The following KRT2 variants were observed in gnomAD, a reference collection of about 807,000 sequenced individuals.
KRT2 encodes keratin 2.
KRT2 carries 37 observed loss-of-function variants against 48.5 expected under a neutral mutation model. That is an observed-to-expected ratio of 0.76 (90% CI 0.59 to 1.00). KRT2 has a LOEUF of 1.00. Among genes scored for constraint, KRT2 ranks in the 50% least tolerant of loss-of-function variants. KRT2 has a pLI of 0.00. For missense variants in KRT2, 880 were observed against 815.2 expected (o/e 1.08, Z -0.97); for synonymous variants, 324 against 312.2 (o/e 1.04, Z -0.40).
rs752147255 is a variant in KRT2, at chr12:52,647,753, C to T, written c.1225G>A (p.Glu409Lys). The T allele has an allele frequency of 3.7e-6, 6 of 1,613,792 alleles. No homozygotes were observed. The African/African-American group carries it at 8.0e-5, about 22-fold the overall frequency. Residue 409 changes from glutamate (E) to lysine (K), a missense_variant, in exon 6 of 9, where the codon GAG becomes AAG. Glu to Lys is a moderately conservative substitution (Grantham distance 56). Transcript: ENST00000309680. Reference sequence around the variant, plus strand: ...ACCTGCTTCTTCACATGTGCGATCTCCCCCTGCAGCCTCTGGATCACGCGG... The same window carrying T: ...ACCTGCTTCTTCACATGTGCGATCTTCCCCTGCAGCCTCTGGATCACGCGG... ...LNRVIQRLQGEIAHVKKQCKN... is the reference protein window; with the variant it reads ...LNRVIQRLQGKIAHVKKQCKN...
intron 7 of KRT2, 28 bp downstream of exon 7, chr12:52,646,712 T>G: frequency 6.2e-7 from 1 of 1,609,922 alleles, no homozygotes; most frequent in Non-Finnish European, 8.5e-7. Flanking sequence ...AGGGCCAGGG[T>G]CCCCTTCTCC....
Position 52,644,864 on chromosome 12 carries a change from A to G in KRT2, c.*155T>C. Reference sequence around the variant, plus strand: ...ACTGGTTTGGAGAGAAGATCTTTCAAAAACTGTATGTGGACATTCTTTTCC... The same window carrying G: ...ACTGGTTTGGAGAGAAGATCTTTCAGAAACTGTATGTGGACATTCTTTTCC... On this transcript the variant is annotated 3_prime_UTR_variant, in exon 9 of 9. Coordinates refer to ENST00000309680, the MANE Select transcript of KRT2 (RefSeq NM_000423.3). The G allele has an allele frequency of 1.3e-6, 1 of 774,562 alleles. No individual in the cohort carries two copies. Among genetic ancestry groups the G allele is most frequent in the Non-Finnish European group, 2.1e-6 (1 of 478,024 alleles). The allele number at this position is 774,562 out of a possible 1,614,324, so 48.0% of individuals were successfully genotyped here.
intron 6 of KRT2, among the ~76,000 whole-genome samples, 188 bp downstream of exon 6, chr12:52,647,542 T>C (rs1941185625): frequency 6.6e-6 from 1 of 152,248 alleles, no homozygotes; most frequent in African/African-American, 2.4e-5. Flanking sequence ...GAATGTCTAT[T>C]AGAGCACTCT....
chr12:52,647,017 G>A, intron 6 of KRT2, 57 bp from the exon 7 acceptor site: 2 of 1,524,200 alleles, frequency 1.3e-6, no homozygotes, highest in East Asian at 4.5e-5. Context: ...AGAGAGCAGA[G>A]GTGTTCGAAG....
At chr12:52,645,911 G>A (rs1941156695) in intron 7 of KRT2, among the ~76,000 whole-genome samples, 1 of 152,204 alleles carries the variant, frequency 6.6e-6, no homozygotes, top group South Asian at 2.1e-4. Context: ...CAGAATCCAT[G>A]CCACATCAGA....
intron 4 of KRT2, 65 bp from the exon 5 acceptor site, chr12:52,648,402 T>G: frequency 2.2e-6 from 3 of 1,352,014 alleles, no homozygotes; most frequent in Non-Finnish European, 3.2e-6. Context: ...AGGAGGCCTC[T>G]GTCTCCCAGC....
chr12:52,648,132 T>C (rs762504181), intron 5 of KRT2, 41 bp downstream of exon 5: 1 of 1,607,156 alleles, frequency 6.2e-7, no homozygotes. Context: ...ACCCAGCTCA[T>C]GGCAGGGAGC....
chr12:52,644,958 T>G lies in KRT2; in HGVS notation c.*61A>C. ...GCCAGTTAGAGGTACAGAGACAGGC[T>G]TCTACATTCTGGAGTGGGAGAGTCT... On this transcript the variant is annotated 3_prime_UTR_variant, in exon 9 of 9. Transcript: ENST00000309680. The G allele has an allele frequency of 1.3e-6, 2 of 1,585,080 alleles. No individual in the cohort carries two copies. The highest frequency in any genetic ancestry group is 1.7e-6 in the Non-Finnish European group (2 of 1,154,114).
rs76412202 is a variant in KRT2 at position 52,651,803 on chromosome 12, C to G, written c.340G>C (p.Gly114Arg). 7.1e-7 allele frequency: 1 copy of G among 1,401,164 alleles called. No homozygotes were observed. Among genetic ancestry groups the G allele is most frequent in the Admixed American group, 2.0e-5 (1 of 51,268 alleles). The allele number at this position is 1,401,164 out of a possible 1,614,324, so 86.8% of individuals were successfully genotyped here. A position where few individuals can be genotyped will look rare whatever the true frequency, so the allele number is the denominator to read the frequency against. The change falls in exon 1 of 9, where the codon GGT (glycine) becomes CGT (arginine). Residue 114 changes from glycine (G) to arginine (R), a missense_variant. Physicochemically the swap from Gly to Arg is moderately radical, Grantham distance 125. Coordinates refer to ENST00000309680, the MANE Select transcript of KRT2 (RefSeq NM_000423.3). The part of the protein sequence containing the change: ...GGSGFSGGGF[G>R]GGGFGGGRFG... ...CGGCCTCCACCAAAGCCGCCTCCAC[C>G]GAAACCACCACCACTGAAGCCGCTG...
chr12:52,645,128 C>T lies in KRT2; in HGVS notation c.1811G>A (p.Gly604Glu), dbSNP rs1324329395. 1.9e-6 allele frequency: 3 copies of T among 1,613,966 alleles called. No individual in the cohort carries two copies. Among genetic ancestry groups the T allele is most frequent in the African/African-American group, 2.7e-5 (2 of 75,036 alleles). Residue 604 changes from glycine to glutamate, a missense_variant, in exon 9 of 9, where the codon GGA (glycine) becomes GAA (glutamate). By Grantham distance (98) the Gly-to-Glu change is moderately conservative (BLOSUM62 -2). Transcript: ENST00000309680. ...ATATCCTCCTCCAGAGCTGGAGCCT[C>T]CTCTAGAGCCACCTCCAGAGCTGTG... ...GKHSSGGGSR[G>E]GSSSGGGYGS...
chr12:52,650,230 TC>T, intron 2 of KRT2, 108 bp downstream of exon 2: 1 of 948,512 alleles, frequency 1.1e-6, no homozygotes. Flanking sequence ...CATATGCCTC[TC>T]CCCATTACCA....
At chr12:52,647,877 A>G in intron 5 of KRT2, 22 bp from the exon 6 acceptor site, 1 of 1,614,058 alleles carries the variant, frequency 6.2e-7, no homozygotes, top group East Asian at 2.2e-5. Flanking sequence ...AGAAGAGGAC[A>G]GTTTGCAAGG....
chr12:52,648,747 G>T (rs544667440), intron 4 of KRT2, among the ~76,000 whole-genome samples: 17 of 152,244 alleles, frequency 1.1e-4, no homozygotes, highest in Admixed American at 1.1e-3. Context: ...TCTTCCCCAG[G>T]GGAAATGGAC....
intron 2 of KRT2, among the ~76,000 whole-genome samples, 182 bp from the exon 3 acceptor site, chr12:52,650,156 A>G (rs143518357): frequency 1.3e-5 from 2 of 152,350 alleles, no homozygotes; most frequent in African/African-American, 4.8e-5. Flanking sequence ...ACTCTCAAAC[A>G]TACAAAAGAC....
intron 4 of KRT2, among the ~76,000 whole-genome samples, chr12:52,648,613 AC>A (rs1941204184): frequency 6.6e-6 from 1 of 152,092 alleles, no homozygotes; most frequent in African/African-American, 2.4e-5. Flanking sequence ...CATGGCAAAT[AC>A]CTTAAATGGA....
Position 52,648,253 on chromosome 12 carries a change from T to C in KRT2, c.1042A>G (p.Ile348Val). Residue 348 changes from isoleucine (I) to valine (V), a missense_variant, in exon 5 of 9, where the codon ATC becomes GTC. Ile to Val is a conservative substitution (Grantham distance 29). Transcript: ENST00000309680. ...DNSRNLDLDS[I>V]IAEVKAQYEE... ...TACTGGGCCTTGACCTCGGCGATGA[T>C]GCTATCCAAGTCCAGGTTGCGGCTG... The C allele has an allele frequency of 6.2e-7, 1 of 1,614,174 alleles. No individual in the cohort carries two copies. The highest frequency in any genetic ancestry group is 8.5e-7 in the Non-Finnish European group (1 of 1,180,016).
intron 1 of KRT2, 108 bp downstream of exon 1, chr12:52,651,450 G>T (rs1941246010): frequency 1.1e-6 from 1 of 902,214 alleles, no homozygotes; most frequent in Admixed American, 1.8e-5. Flanking sequence ...GGCTACTGCG[G>T]TACACCACTG....
chr12:52,645,617 T>G, intron 7 of KRT2, 48 bp from the exon 8 acceptor site: 1 of 1,593,634 alleles, frequency 6.3e-7, no homozygotes, highest in Non-Finnish European at 8.6e-7. Context: ...ACTTAGGTTC[T>G]GTATGCATGT....
At chr12:52,646,697 G>A (rs1413378402) in intron 7 of KRT2, 43 bp downstream of exon 7, 2 of 1,604,222 alleles carry the variant, frequency 1.2e-6, no homozygotes, top group Non-Finnish European at 1.7e-6. Context: ...GGAGAGATGA[G>A]AGGAAGGGCC....
Sources: allele counts gnomAD v4.1 joint callset (sites outside exome capture counted in the v4.1 genomes callset), GRCh38; gene constraint gnomAD v4.1.1; transcripts MANE v1.5; gene names NCBI Gene and HGNC (gene_info 2026-07-23, HGNC 2026-07-21).